LMOD1: variants seen among roughly 807,000 people sequenced by gnomAD.
The protein encoded by LMOD1 is leiomodin 1, also known as leiomodin-1.
LMOD1 carries 8 observed loss-of-function variants against 36.5 expected under a neutral mutation model. The observed-to-expected ratio is 0.22, with a 90% CI of 0.13 to 0.40. The LOEUF (loss-of-function observed/expected upper bound fraction) is 0.40. Among genes scored for constraint, LMOD1 ranks in the 10% least tolerant of loss-of-function variants. The probability of loss-of-function intolerance (pLI) is 1.00; values close to 1 mark genes in which losing one functional copy is unlikely to be tolerated. For synonymous variants in LMOD1, 284 were observed against 288.7 expected, an observed-to-expected ratio of 0.98 and a Z score of 0.17; for missense variants, 630 against 751.1, an observed-to-expected ratio of 0.84 and a Z score of 1.88.
In LMOD1 at chr1:201,901,649, C is replaced by T. The variant is rs10581549; in HGVS notation, c.262-898G>A. The stretch of plus-strand genomic sequence containing the variant: ...GTGTGTGTATATATATATATATATA[C>T]ATATATATGTGTATATATATATATA... On this transcript the variant is annotated intron_variant, in intron 1 of 2. Transcript: ENST00000367288. Among the ~76,000 whole-genome samples the T allele has an allele frequency of 5.4e-3, 338 of 62,250 alleles. 24 individuals carry two copies. Among genetic ancestry groups the T allele is most frequent in the Middle Eastern group, 0.042 (5 of 120 alleles). 40.8% of individuals were successfully genotyped at this position (62,250 alleles called of 152,430 possible).
intron 1 of LMOD1, among the ~76,000 whole-genome samples, chr1:201,938,670 G>A (rs771146486): frequency 4.6e-5 from 7 of 152,146 alleles, no homozygotes; most frequent in South Asian, 2.1e-4. Flanking sequence ...CAGCCCTGCC[G>A]GCTTGATCTC....
chr1:201,906,347 C>T lies in LMOD1; in HGVS notation c.262-5596G>A, dbSNP rs956293307. ...TGTCCATCCGCATCCTGCATCAGTCCCCCCACCCGCCTCCACCATGTCTCA... is the reference window on the plus strand; with the variant it reads ...TGTCCATCCGCATCCTGCATCAGTCTCCCCACCCGCCTCCACCATGTCTCA... On this transcript the variant is annotated intron_variant, in intron 1 of 2. Coordinates refer to ENST00000367288, the MANE Select transcript of LMOD1 (RefSeq NM_012134.3). Among the ~76,000 whole-genome samples, 206 of 152,270 alleles carry T rather than the reference C, an allele frequency of 1.4e-3. 1 individual carries two copies. Among genetic ancestry groups the T allele is most frequent in the African/African-American group, 4.6e-3 (192 of 41,542 alleles).
chr1:201,924,441 C>CAAGGAAGGAGGGAGGGAGGGAAGGAAGG (rs1681774127), intron 1 of LMOD1, among the ~76,000 whole-genome samples: 1 of 12,978 alleles, frequency 7.7e-5, no homozygotes, highest in South Asian at 3.4e-3. Flanking sequence ...AGGAAGGAAG[C>CAAGGAAGGAGGGAGGGAGGGAAGGAAGG]AAGGAAGGAG....
intron 1 of LMOD1, among the ~76,000 whole-genome samples, chr1:201,902,118 C>A (rs1446401423): frequency 6.6e-6 from 1 of 151,492 alleles, no homozygotes; most frequent in Non-Finnish European, 1.5e-5. Context: ...ATTCTATCTA[C>A]CATCATCATC....
intron 1 of LMOD1, among the ~76,000 whole-genome samples, chr1:201,929,077 G>GGACT (rs1417256944): frequency 6.7e-6 from 1 of 149,276 alleles, no homozygotes; most frequent in Non-Finnish European, 1.5e-5. Flanking sequence ...GATCATAGGT[G>GGACT]GACTTTATTT....
intron 1 of LMOD1, among the ~76,000 whole-genome samples, chr1:201,916,595 C>T (rs1217216939): frequency 6.6e-6 from 1 of 152,064 alleles, no homozygotes; most frequent in Non-Finnish European, 1.5e-5. Flanking sequence ...CTTTAAATAA[C>T]TGAGTTTCAC....
In LMOD1 at chr1:201,943,777, G is replaced by A. The variant is rs114140642; in HGVS notation, c.261+2303C>T. Among the ~76,000 whole-genome samples, 139 of 152,268 alleles carry A rather than the reference G, an allele frequency of 9.1e-4. 3 individuals carry two copies. Among genetic ancestry groups the A allele is most frequent in the African/African-American group, 3.3e-3 (137 of 41,556 alleles). On this transcript the variant is annotated intron_variant, in intron 1 of 2. Transcript: ENST00000367288. Reference sequence around the variant, plus strand: ...GTGCTAAGTGCTCTACCGCAGCACCGCTTTTAGTGTTCACAACCCTGTGAG... The same window carrying A: ...GTGCTAAGTGCTCTACCGCAGCACCACTTTTAGTGTTCACAACCCTGTGAG...
chr1:201,935,801 C>T (rs1281162627), intron 1 of LMOD1, among the ~76,000 whole-genome samples: 1 of 150,460 alleles, frequency 6.6e-6, no homozygotes, highest in Non-Finnish European at 1.5e-5. Context: ...AAGTGATCTG[C>T]CCGCCTCAGC....
At chr1:201,927,974 G>T (rs935079689) in intron 1 of LMOD1, among the ~76,000 whole-genome samples, 2 of 152,166 alleles carry the variant, frequency 1.3e-5, no homozygotes, top group East Asian at 3.8e-4. Flanking sequence ...GGGTCATGGG[G>T]GCACTGCTCT....
intron 1 of LMOD1, among the ~76,000 whole-genome samples, chr1:201,914,657 C>G (rs1249106264): frequency 6.6e-6 from 1 of 152,094 alleles, no homozygotes. Context: ...GAGGAAACAA[C>G]CCATGGCAAT....
intron 1 of LMOD1, among the ~76,000 whole-genome samples, chr1:201,939,052 C>A (rs1316018600): frequency 6.6e-6 from 1 of 151,958 alleles, no homozygotes; most frequent in Non-Finnish European, 1.5e-5. Context: ...TGGGGCCAGG[C>A]AGCGAGTAAT....
Position 201,900,605 on chromosome 1 carries a change from T to C in LMOD1, c.408A>G (p.Arg136=). 1 of 1,613,924 alleles carries C rather than the reference T, an allele frequency of 6.2e-7. No individual in the cohort carries two copies. Among genetic ancestry groups the C allele is most frequent in the Non-Finnish European group, 8.5e-7 (1 of 1,179,890 alleles). The stretch of plus-strand genomic sequence containing the variant: ...TCTTGCCACCAGCTTCATCTCTGTC[T>C]CTAGAGAAGCTTTTCTTTAAACCAC... ...KRGGLKKSFS[R]DRDEAGGKSG... is the part of the protein sequence containing the mutation. Residue 136 remains arginine, a synonymous_variant, in exon 2 of 3, where the codon AGA becomes AGG. Transcript: ENST00000367288.
At chr1:201,923,788 C>T (rs1681746738) in intron 1 of LMOD1, among the ~76,000 whole-genome samples, 1 of 151,596 alleles carries the variant, frequency 6.6e-6, no homozygotes, top group Admixed American at 6.6e-5. Flanking sequence ...TCATATGAGG[C>T]CTAGAAGTCG....
At chr1:201,933,450 G>T (rs1681960218) in intron 1 of LMOD1, among the ~76,000 whole-genome samples, 1 of 150,356 alleles carries the variant, frequency 6.7e-6, no homozygotes, top group African/African-American at 2.4e-5. Flanking sequence ...CAACATGGTT[G>T]CATGTCACAA....
chr1:201,919,653 G>T (rs1681667749), intron 1 of LMOD1, among the ~76,000 whole-genome samples: 1 of 152,142 alleles, frequency 6.6e-6, no homozygotes, highest in African/African-American at 2.4e-5. Context: ...TTTTCTGTGG[G>T]CTAGAAAAGT....
intron 1 of LMOD1, among the ~76,000 whole-genome samples, chr1:201,943,795 C>A (rs1366495275): frequency 1.3e-5 from 2 of 152,176 alleles, no homozygotes. Context: ...TGTTCACAAC[C>A]CTGTGAGATG....
intron 1 of LMOD1, among the ~76,000 whole-genome samples, chr1:201,904,720 T>C (rs1681385479): frequency 6.6e-6 from 1 of 152,102 alleles, no homozygotes; most frequent in Non-Finnish European, 1.5e-5. Context: ...AGGGAAAGGG[T>C]TGATTAATCA....
Position 201,905,106 on chromosome 1 carries a change from A to AT in LMOD1, c.262-4356_262-4355insA, listed in dbSNP as rs1681392357. 3.3e-5 allele frequency among the ~76,000 whole-genome samples: 5 copies of AT among 152,246 alleles called. No individual in the cohort carries two copies. The South Asian group carries it at 1.0e-3, about 32-fold the overall frequency. ...GTAAAGGTCCACAGGCCTCTTGATG[A>AT]GAAAACTAGGTAGCAACAGTTATTT... On this transcript the variant is annotated intron_variant, in intron 1 of 2. Transcript: ENST00000367288.
chr1:201,945,467 C>T (rs1050912321), intron 1 of LMOD1, among the ~76,000 whole-genome samples: 1 of 152,134 alleles, frequency 6.6e-6, no homozygotes, highest in African/African-American at 2.4e-5. Flanking sequence ...CAACAAAAAA[C>T]ATCTTCCCTG....
Sources: gnomAD v4.1 joint callset for allele counts (sites outside exome capture counted in the v4.1 genomes callset) on GRCh38, gnomAD v4.1.1 for gene constraint, MANE v1.5 for transcripts, NCBI Gene and HGNC (gene_info 2026-07-23, HGNC 2026-07-21) for gene names.